Variants in CNTN3 observed in about 807,000 individuals in gnomAD.
CNTN3 encodes the protein contactin 3.
A neutral mutation model predicts 119.1 loss-of-function variants in CNTN3; 60 were observed. The ratio of observed to expected loss-of-function variants is 0.50; its 90% CI spans 0.41 to 0.62. CNTN3 has a LOEUF of 0.62. Ranked by LOEUF, CNTN3 falls within the 20% of genes least tolerant of loss-of-function variation. CNTN3 has a pLI of 0.00. For missense variants in CNTN3, 1,101 were observed against 1,242.4 expected, an observed-to-expected ratio of 0.89 and a Z score of 1.71; for synonymous variants, 450 against 438.7, an observed-to-expected ratio of 1.03 and a Z score of -0.32.
At chr3:74,297,889 C>T (rs1437513329) in intron 18 of CNTN3, 68 bp downstream of exon 18, 1 of 1,248,488 alleles carries the variant, frequency 8.0e-7, no homozygotes, top group Non-Finnish European at 1.1e-6. Flanking sequence ...AACGAGACTC[C>T]AAATCAGTTT....
At chr3:74,569,343 C>T (rs1435617969) in intron 1 of CNTN3, among the ~76,000 whole-genome samples, 1 of 151,756 alleles carries the variant, frequency 6.6e-6, no homozygotes, top group Non-Finnish European at 1.5e-5. Context: ...TCCCTTACCA[C>T]AGAATGGAAC....
chr3:74,410,902 A>T (rs1231849911), intron 5 of CNTN3, among the ~76,000 whole-genome samples: 1 of 152,170 alleles, frequency 6.6e-6, no homozygotes, highest in East Asian at 1.9e-4. Flanking sequence ...TTTCATAATG[A>T]TATAGTAAAG....
At chr3:74,545,394 T>C (rs989338214) in intron 1 of CNTN3, among the ~76,000 whole-genome samples, 3 of 152,206 alleles carry the variant, frequency 2.0e-5, no homozygotes, top group Admixed American at 6.5e-5. Context: ...ACTATCTTTT[T>C]GGAATCCCTT....
intron 1 of CNTN3, among the ~76,000 whole-genome samples, chr3:74,533,058 T>G (rs2107137649): frequency 6.6e-6 from 1 of 152,092 alleles, no homozygotes; most frequent in African/African-American, 2.4e-5. Flanking sequence ...TGGAGAACCA[T>G]CAGGCTCGTC....
chr3:74,385,471 G>C (rs760704941), intron 5 of CNTN3, among the ~76,000 whole-genome samples: 1 of 152,146 alleles, frequency 6.6e-6, no homozygotes, highest in East Asian at 1.9e-4. Flanking sequence ...ATCTCTGATC[G>C]TTAAAGTAAC....
At chr3:74,452,750 CT>C (rs1373142123) in intron 4 of CNTN3, among the ~76,000 whole-genome samples, 10 of 149,364 alleles carry the variant, frequency 6.7e-5, no homozygotes, top group Non-Finnish European at 4.5e-5. Flanking sequence ...TGTCAAAGGC[CT>C]TTTCTGCATC....
intron 1 of CNTN3, among the ~76,000 whole-genome samples, chr3:74,564,494 T>C (rs1247551668): frequency 6.6e-6 from 1 of 151,308 alleles, no homozygotes; most frequent in Non-Finnish European, 1.5e-5. Context: ...AGGGAGAAGG[T>C]ACTGGAGAAG....
intron 20 of CNTN3, among the ~76,000 whole-genome samples, chr3:74,272,490 A>G (rs1334404433): frequency 1.3e-5 from 2 of 152,226 alleles, no homozygotes; most frequent in East Asian, 3.9e-4. Context: ...TTACAAAACT[A>G]GGAATAACTT....
rs556861994 is a variant in CNTN3, at chr3:74,279,220, AG to A, written c.2704+6084del. 1.2e-4 allele frequency among the ~76,000 whole-genome samples: 18 copies of A among 152,304 alleles called. No homozygotes were observed. In the East Asian group the frequency reaches 3.1e-3, roughly 26 times the overall value. ...GTGTGGAGATTCCTTAATGAACAAA[AG>A]TAGCACCACTATTTGATCCAGCAAT... On this transcript the variant is annotated intron_variant, in intron 20 of 22. Coordinates refer to ENST00000263665, the MANE Select transcript of CNTN3 (RefSeq NM_020872.3).
intron 4 of CNTN3, among the ~76,000 whole-genome samples, chr3:74,462,814 C>T (rs1269716765): frequency 1.3e-5 from 2 of 152,106 alleles, no homozygotes; most frequent in African/African-American, 4.8e-5. Flanking sequence ...CCTTATTCTC[C>T]TTAGGATAAA....
At chr3:74,270,430 A>T (rs544453561) in intron 20 of CNTN3, among the ~76,000 whole-genome samples, 19 of 152,284 alleles carry the variant, frequency 1.2e-4, no homozygotes, top group Admixed American at 1.2e-3. Context: ...AGAATGGGAG[A>T]CAGAATGGAT....
intron 5 of CNTN3, among the ~76,000 whole-genome samples, chr3:74,373,945 T>G (rs549449998): frequency 2.0e-5 from 3 of 152,194 alleles, no homozygotes; most frequent in African/African-American, 7.2e-5. Flanking sequence ...CCCTTAGGTT[T>G]CACTTCAAGA....
At chr3:74,534,348 T>C (rs1353043996) in intron 1 of CNTN3, among the ~76,000 whole-genome samples, 1 of 152,056 alleles carries the variant, frequency 6.6e-6, no homozygotes, top group Non-Finnish European at 1.5e-5. Flanking sequence ...ATATCCCCAC[T>C]TTATTATTTT....
intron 4 of CNTN3, among the ~76,000 whole-genome samples, chr3:74,441,992 A>T (rs955141049): frequency 6.6e-6 from 1 of 152,102 alleles, no homozygotes; most frequent in Admixed American, 6.6e-5. Flanking sequence ...TAACTATTAC[A>T]TACTGAGGTA....
chr3:74,371,330 G>C lies in CNTN3; in HGVS notation c.524C>G (p.Ser175Cys), dbSNP rs1179736344. The C allele has an allele frequency of 6.2e-7, 1 of 1,613,244 alleles. No homozygotes were observed. Among genetic ancestry groups the C allele is most frequent in the Non-Finnish European group, 8.5e-7 (1 of 1,179,606 alleles). Residue 175 changes from serine to cysteine, a missense_variant, in exon 6 of 23, where the codon TCC becomes TGC. Physicochemically the swap from Ser to Cys is moderately radical, Grantham distance 112 (BLOSUM62 -1). Coordinates refer to ENST00000263665, the MANE Select transcript of CNTN3 (RefSeq NM_020872.3). ...FVEEDSRRFVSQETGHLYISK... is the reference protein window; with the variant it reads ...FVEEDSRRFVCQETGHLYISK... ...TATGTAGAGGTGCCCTGTCTCCTGGGAGACAAATCTCCGACTATCTTCTTC... is the reference window on the plus strand; with the variant it reads ...TATGTAGAGGTGCCCTGTCTCCTGGCAGACAAATCTCCGACTATCTTCTTC...
At chr3:74,580,819 A>G (rs1704493409) in intron 1 of CNTN3, among the ~76,000 whole-genome samples, 1 of 152,218 alleles carries the variant, frequency 6.6e-6, no homozygotes, top group African/African-American at 2.4e-5. Context: ...CCTGGGCTCA[A>G]GTGACCCTCC....
intron 1 of CNTN3, among the ~76,000 whole-genome samples, chr3:74,597,973 T>A (rs777965305): frequency 6.6e-6 from 1 of 152,024 alleles, no homozygotes; most frequent in East Asian, 1.9e-4. Context: ...GCTTCTAGAA[T>A]AAAACAAAGG....
chr3:74,387,791 C>G (rs1704789135), intron 5 of CNTN3, among the ~76,000 whole-genome samples: 1 of 152,222 alleles, frequency 6.6e-6, no homozygotes, highest in African/African-American at 2.4e-5. Context: ...TGCTCATCCC[C>G]ATGCCATTGT....
At chr3:74,579,352 T>C (rs1704467020) in intron 1 of CNTN3, among the ~76,000 whole-genome samples, 1 of 146,532 alleles carries the variant, frequency 6.8e-6, no homozygotes, top group Non-Finnish European at 1.5e-5. Context: ...AACAAGCAGA[T>C]CCCACCCCCC....
Sources: gnomAD v4.1 joint callset for allele counts (sites outside exome capture counted in the v4.1 genomes callset) on GRCh38, gnomAD v4.1.1 for gene constraint, MANE v1.5 for transcripts, NCBI Gene and HGNC (gene_info 2026-07-23, HGNC 2026-07-21) for gene names.